Variants in PVALEF observed in about 807,000 individuals in gnomAD.
PVALEF encodes parvalbumin like EF-hand containing.
In PVALEF, 2 loss-of-function variants were observed where a neutral mutation model predicts 1.2. The ratio of observed to expected loss-of-function variants is 1.68; its 90% CI spans 0.69 to 5.28. The LOEUF is 5.28. PVALEF is among the 30% of genes most tolerant of loss of function. The probability of loss-of-function intolerance (pLI) is 0.06; values close to 1 mark genes in which losing one functional copy is unlikely to be tolerated. For synonymous variants in PVALEF, 16 were observed against 6.5 expected, an observed-to-expected ratio of 2.47 and a Z score of -2.24; for missense variants, 35 against 17.7, an observed-to-expected ratio of 1.97 and a Z score of -1.75.
intron 2 of PVALEF, among the ~76,000 whole-genome samples, chr17:81,172,762 TCAAAA>T (rs568462471): frequency 2.0e-5 from 3 of 151,792 alleles, no homozygotes; most frequent in South Asian, 4.2e-4. Flanking sequence ...AGACTCTGTC[TCAAAA>T]CAAAACAAAA....
chr17:81,168,198 T>C (rs933952980), intron 2 of PVALEF, among the ~76,000 whole-genome samples: 1 of 152,208 alleles, frequency 6.6e-6, no homozygotes, highest in African/African-American at 2.4e-5. Context: ...TGTCCAGAAC[T>C]TCCATGCCCT....
intron 2 of PVALEF, among the ~76,000 whole-genome samples, chr17:81,169,720 A>G (rs544461954): frequency 2.1e-3 from 319 of 151,420 alleles, no homozygotes; most frequent in African/African-American, 7.2e-3. Flanking sequence ...CTGCATCGTC[A>G]CATAGTCGTG....
intron 1 of PVALEF, chr17:81,165,967 C>A: frequency 6.3e-7 from 1 of 1,586,024 alleles, no homozygotes; most frequent in Non-Finnish European, 8.6e-7. Context: ...GAAGGCGAAG[C>A]TGGGGTTGAA....
Position 81,179,111 on chromosome 17 carries a change from C to T in PVALEF, c.-146C>T. On this transcript the variant is annotated 5_prime_UTR_variant, in exon 3 of 7. Transcript: ENST00000637878. ...GCCCCTGGGCCTCTCCACACCCCAGCCTGACCCACCTTCCAGAACTCTCGA... is the reference window on the plus strand; with the variant it reads ...GCCCCTGGGCCTCTCCACACCCCAGTCTGACCCACCTTCCAGAACTCTCGA... The T allele has an allele frequency of 2.4e-6, 1 of 423,042 alleles. No individual in the cohort carries two copies. The highest frequency in any genetic ancestry group is 4.8e-6 in the Non-Finnish European group (1 of 208,206). 26.2% of individuals were successfully genotyped at this position (423,042 alleles called of 1,614,324 possible). A position where few individuals can be genotyped will look rare whatever the true frequency, so the allele number is the denominator to read the frequency against.
rs946683224 is a variant in PVALEF, at chr17:81,166,054, C to T, written c.-508+307C>T. On this transcript the variant is annotated intron_variant, in intron 1 of 6. Transcript: ENST00000637878. ...GCTGCGCTCAGGACGCCCGCGGCCC[C>T]GGCCCGAGCCGCCGCATCACCCAGC... 11 of 1,190,230 alleles carry T rather than the reference C, an allele frequency of 9.2e-6. No homozygotes were observed. In the East Asian group the frequency reaches 1.9e-4, roughly 20 times the overall value. 73.7% of individuals were successfully genotyped at this position (1,190,230 alleles called of 1,614,324 possible). A position where few individuals can be genotyped will look rare whatever the true frequency, so the allele number is the denominator to read the frequency against.
At chr17:81,167,788 C>T (rs547347917) in intron 2 of PVALEF, among the ~76,000 whole-genome samples, 225 of 152,318 alleles carry the variant, frequency 1.5e-3, no homozygotes, top group African/African-American at 4.8e-3. Context: ...TTCTAAGGGG[C>T]GCTGCCGCCA....
intron 2 of PVALEF, among the ~76,000 whole-genome samples, chr17:81,174,793 C>A (rs1171093133): frequency 6.6e-6 from 1 of 150,566 alleles, no homozygotes; most frequent in Non-Finnish European, 1.5e-5. Flanking sequence ...ACTAAAAATA[C>A]AAAAAATTAG....
intron 4 of PVALEF, 98 bp downstream of exon 4, chr17:81,181,430 C>T (rs1233000838): frequency 7.6e-6 from 4 of 527,334 alleles, no homozygotes; most frequent in Non-Finnish European, 1.3e-5. Context: ...GTCCAGGACA[C>T]CAGGACCTGC....
chr17:81,165,761 C>A lies in PVALEF; in HGVS notation c.-508+14C>A. The A allele has an allele frequency of 6.6e-7, 1 of 1,519,540 alleles. No homozygotes were observed. Among genetic ancestry groups the A allele is most frequent in the Non-Finnish European group, 8.8e-7 (1 of 1,131,614 alleles). The allele number at this position is 1,519,540 out of a possible 1,614,324, so 94.1% of individuals were successfully genotyped here. A position where few individuals can be genotyped will look rare whatever the true frequency, so the allele number is the denominator to read the frequency against. On this transcript the variant is annotated intron_variant, in intron 1 of 6. Coordinates refer to ENST00000637878, the MANE Select transcript of PVALEF (RefSeq NM_001354639.2). ...AGGCGGAGGCCGGTTTGTGCTGGGG[C>A]CCAGGGCCTGCCCCTCCGAGATCTG...
At chr17:81,166,116 C>T in intron 1 of PVALEF, 1 of 440,402 alleles carries the variant, frequency 2.3e-6, no homozygotes, top group Non-Finnish European at 3.0e-6. Context: ...GCCCCCGCGC[C>T]CCGCGCCCCC....
rs749420424 is a variant in PVALEF, at chr17:81,166,727, A to C, written c.-457A>C. The C allele has an allele frequency of 4.4e-6, 2 of 455,748 alleles. No individual in the cohort carries two copies. The highest frequency in any genetic ancestry group is 3.1e-5 in the South Asian group (2 of 64,514). 28.2% of individuals were successfully genotyped at this position (455,748 alleles called of 1,614,324 possible). ...CCCCACCCCATGCCCTTTGGGTGGC[A>C]CCTGTGCTGGTGGAGTGGGGGTGGC... On this transcript the variant is annotated 5_prime_UTR_variant, in exon 2 of 7. Coordinates refer to ENST00000637878, the MANE Select transcript of PVALEF (RefSeq NM_001354639.2).
Position 81,174,745 on chromosome 17 carries a change from T to C in PVALEF, c.-339-4173T>C, listed in dbSNP as rs192246946. Among the ~76,000 whole-genome samples, 745 of 152,196 alleles carry C rather than the reference T, an allele frequency of 4.9e-3. 5 individuals carry two copies. The highest frequency in any genetic ancestry group is 7.6e-3 in the Non-Finnish European group (516 of 68,004). On this transcript the variant is annotated intron_variant, in intron 2 of 6. Coordinates refer to ENST00000637878, the MANE Select transcript of PVALEF (RefSeq NM_001354639.2). ...CGGGTGGATCACAAGGTCAGGAGAT[T>C]GAGACCATCCTGGCTAACACAGTGA...
intron 2 of PVALEF, among the ~76,000 whole-genome samples, chr17:81,170,217 G>T (rs935667852): frequency 6.6e-6 from 1 of 151,542 alleles, no homozygotes; most frequent in African/African-American, 2.4e-5. Context: ...AGGTGTGTTG[G>T]TATGTGTGCA....
intron 2 of PVALEF, among the ~76,000 whole-genome samples, chr17:81,178,349 C>G (rs1215107994): frequency 6.6e-6 from 1 of 152,176 alleles, no homozygotes; most frequent in Non-Finnish European, 1.5e-5. Context: ...GCCTGCGGTG[C>G]CCAGCATGAC....
chr17:81,165,803 C>T lies in PVALEF; in HGVS notation c.-508+56C>T, dbSNP rs1039476417. The T allele has an allele frequency of 1.1e-5, 17 of 1,499,544 alleles. 1 individual carries two copies. Among genetic ancestry groups the T allele is most frequent in the Admixed American group, 4.3e-5 (2 of 47,020 alleles). 92.9% of individuals were successfully genotyped at this position (1,499,544 alleles called of 1,614,324 possible). On this transcript the variant is annotated intron_variant, in intron 1 of 6. Coordinates refer to ENST00000637878, the MANE Select transcript of PVALEF (RefSeq NM_001354639.2). Reference sequence around the variant, plus strand: ...CGAGATCTGGGGCCGCCAGGGGGTCCGGCTGCTTCTGCTGCTGGGCTCGGG... The same window carrying T: ...CGAGATCTGGGGCCGCCAGGGGGTCTGGCTGCTTCTGCTGCTGGGCTCGGG...
At chr17:81,182,512 G>C (rs968703175) in intron 6 of PVALEF, among the ~76,000 whole-genome samples, 1 of 152,186 alleles carries the variant, frequency 6.6e-6, no homozygotes, top group Admixed American at 6.5e-5. Context: ...CATCTGCCTG[G>C]GTCTAGAAAC....
chr17:81,178,297 C>T (rs1057420775), intron 2 of PVALEF, among the ~76,000 whole-genome samples: 10 of 152,182 alleles, frequency 6.6e-5, no homozygotes, highest in African/African-American at 2.4e-4. Flanking sequence ...AGCCAGGCCC[C>T]CCCGACCCCG....
chr17:81,177,856 G>C (rs1457515164), intron 2 of PVALEF, among the ~76,000 whole-genome samples: 1 of 152,154 alleles, frequency 6.6e-6, no homozygotes. Flanking sequence ...GGCCAAAGTT[G>C]GGCAAGAATT....
chr17:81,166,621 C>G, intron 1 of PVALEF, 56 bp from the exon 2 acceptor site: 1 of 447,418 alleles, frequency 2.2e-6, no homozygotes, highest in Admixed American at 2.4e-5. Flanking sequence ...GTGGGGGAAC[C>G]CGGGAGCACA....
Sources: gnomAD v4.1 joint callset for allele counts (sites outside exome capture counted in the v4.1 genomes callset) on GRCh38, gnomAD v4.1.1 for gene constraint, MANE v1.5 for transcripts, NCBI Gene and HGNC (gene_info 2026-07-23, HGNC 2026-07-21) for gene names.